STARD13: variants seen among roughly 807,000 people sequenced by gnomAD.
The protein encoded by STARD13 is StAR related lipid transfer domain containing 13.
In STARD13, 62 loss-of-function variants were observed where a neutral mutation model predicts 106.4. That is an observed-to-expected ratio of 0.58 (90% CI 0.48 to 0.72). The LOEUF is 0.72. Among genes scored for constraint, STARD13 ranks in the 30% least tolerant of loss-of-function variants. The pLI, the probability that STARD13 is intolerant of heterozygous loss-of-function variation, is 0.00. For missense variants in STARD13, 1,387 were observed against 1,424.0 expected (o/e 0.97, Z 0.42); for synonymous variants, 565 against 553.0 (o/e 1.02, Z -0.31).
chr13:33,456,317 G>A, the STARD13 span, among the ~76,000 whole-genome samples: 2 of 152,090 alleles, frequency 1.3e-5, no homozygotes, highest in Non-Finnish European at 2.9e-5. Flanking sequence ...AGCCTCCCAA[G>A]TAGCTAGGAT....
At chr13:33,597,830 G>A in the STARD13 span, among the ~76,000 whole-genome samples, 2 of 151,934 alleles carry the variant, frequency 1.3e-5, no homozygotes, top group East Asian at 1.9e-4. Context: ...CTCCAGTCTG[G>A]GCAACAAGAG....
intron 3 of STARD13, 23 bp from the exon 4 acceptor site, chr13:33,142,396 T>C: frequency 1.3e-6 from 2 of 1,594,330 alleles, no homozygotes; most frequent in Non-Finnish European, 1.7e-6. Context: ...AAAAATGTGA[T>C]GATTACTTTC....
At chr13:33,602,882 G>A in the STARD13 span, among the ~76,000 whole-genome samples, 1 of 152,038 alleles carries the variant, frequency 6.6e-6, no homozygotes, top group South Asian at 2.1e-4. Context: ...CATCCCCCTG[G>A]TCCCCCAACC....
the STARD13 span, among the ~76,000 whole-genome samples, chr13:33,553,159 T>C: frequency 6.6e-6 from 1 of 152,166 alleles, no homozygotes; most frequent in Non-Finnish European, 1.5e-5. Context: ...CTAGCAGTTA[T>C]ACTTCTGGGA....
intron 1 of STARD13, among the ~76,000 whole-genome samples, chr13:33,191,988 T>C (rs748146055): frequency 3.3e-5 from 5 of 152,234 alleles, no homozygotes; most frequent in Non-Finnish European, 7.3e-5. Context: ...CCGGGCAATC[T>C]GGCCCTTGGT....
At chr13:33,548,214 T>C in the STARD13 span, among the ~76,000 whole-genome samples, 24 of 152,166 alleles carry the variant, frequency 1.6e-4, no homozygotes, top group African/African-American at 5.3e-4. Flanking sequence ...GAGCCAAAGA[T>C]AGGGGAAGTG....
chr13:33,479,359 C>G, the STARD13 span, among the ~76,000 whole-genome samples: 1 of 152,102 alleles, frequency 6.6e-6, no homozygotes, highest in African/African-American at 2.4e-5. Context: ...TCCCTAGATC[C>G]AGAACTGCAT....
At chr13:33,366,280 C>G in the STARD13 span, among the ~76,000 whole-genome samples, 1 of 152,154 alleles carries the variant, frequency 6.6e-6, no homozygotes, top group East Asian at 1.9e-4. The surrounding 1 kb of genome is among the most constrained non-coding windows in gnomAD (Gnocchi z 4.2). Flanking sequence ...AAGGATAGAA[C>G]TCTGTCACAG....
upstream of STARD13, among the ~76,000 whole-genome samples, chr13:33,289,789 C>T (rs1892216966): frequency 6.6e-6 from 1 of 152,064 alleles, no homozygotes; most frequent in Admixed American, 6.6e-5. Flanking sequence ...CTTAGTCAAT[C>T]AATAGAAGCC....
chr13:33,553,354 T>A, the STARD13 span, among the ~76,000 whole-genome samples: 4 of 151,982 alleles, frequency 2.6e-5, no homozygotes, highest in Non-Finnish European at 5.9e-5. Context: ...TAAAGTAATT[T>A]TAAGTAGCAT....
the STARD13 span, among the ~76,000 whole-genome samples, chr13:33,482,123 T>A: frequency 6.6e-6 from 1 of 152,212 alleles, no homozygotes; most frequent in Admixed American, 6.5e-5. Context: ...TTTAGAGATA[T>A]ATACTACAAT....
At chr13:33,283,148 C>T (rs952879617) in intron 1 of STARD13, among the ~76,000 whole-genome samples, 3 of 152,076 alleles carry the variant, frequency 2.0e-5, no homozygotes, top group African/African-American at 7.2e-5. Context: ...GAAATATAAC[C>T]TGACAGGAAA....
At chr13:33,344,504 AG>A (rs1363264995), downstream of STARD13, among the ~76,000 whole-genome samples, 1 of 151,540 alleles carries the variant, frequency 6.6e-6, no homozygotes, top group African/African-American at 2.4e-5. Context: ...AGATGTTAAG[AG>A]GAAGTTTTTG....
the STARD13 span, among the ~76,000 whole-genome samples, chr13:33,361,502 C>T: frequency 6.6e-6 from 1 of 152,106 alleles, no homozygotes. Flanking sequence ...CCCCCTAACT[C>T]CTGCATTGTT....
chr13:33,404,320 C>G, the STARD13 span, among the ~76,000 whole-genome samples: 4 of 152,038 alleles, frequency 2.6e-5, no homozygotes, highest in African/African-American at 9.6e-5. Context: ...TTTTAACAGG[C>G]AAGAATCCAA....
At chr13:33,248,955 A>G (rs1474913949) in intron 1 of STARD13, among the ~76,000 whole-genome samples, 1 of 152,202 alleles carries the variant, frequency 6.6e-6, no homozygotes, top group Non-Finnish European at 1.5e-5. Context: ...TTGGGAAATC[A>G]TTTCTACTAA....
At chr13:33,352,128 C>T (rs766535039), upstream of STARD13, among the ~76,000 whole-genome samples, 1 of 152,180 alleles carries the variant, frequency 6.6e-6, no homozygotes, top group Admixed American at 6.5e-5. Context: ...CAATAAGTCA[C>T]GGATCAGAAA....
the STARD13 span, among the ~76,000 whole-genome samples, chr13:33,497,693 T>C: frequency 1.3e-5 from 2 of 152,308 alleles, no homozygotes; most frequent in East Asian, 3.9e-4. Context: ...CCTGTCTGTC[T>C]AGAGCTATTA....
chr13:33,289,336 G>A (rs373176207), upstream of STARD13, among the ~76,000 whole-genome samples: 1 of 152,310 alleles, frequency 6.6e-6, no homozygotes, highest in Non-Finnish European at 1.5e-5. Flanking sequence ...AGAAGGGAAA[G>A]GAAAGAGGAG....
Sources: allele counts gnomAD v4.1 joint callset (sites outside exome capture counted in the v4.1 genomes callset), GRCh38; gene constraint gnomAD v4.1.1; non-coding constraint Gnocchi (gnomAD v3.1); transcripts MANE v1.5; gene names NCBI Gene and HGNC (gene_info 2026-07-23, HGNC 2026-07-21).